SLC28A2: variants seen among roughly 807,000 people sequenced by gnomAD.
The protein encoded by SLC28A2 is solute carrier family 28 member 2.
A neutral mutation model predicts 72.9 loss-of-function variants in SLC28A2; 69 were observed. That is an observed-to-expected ratio of 0.95 (90% CI 0.78 to 1.16). SLC28A2 has a LOEUF of 1.16. Ranked by LOEUF, SLC28A2 falls within the 50% of genes most tolerant of loss-of-function variation. The pLI, the probability that SLC28A2 is intolerant of heterozygous loss-of-function variation, is 0.00. For synonymous variants in SLC28A2, 296 were observed against 294.1 expected, an observed-to-expected ratio of 1.01 and a Z score of -0.07; for missense variants, 745 against 791.1, an observed-to-expected ratio of 0.94 and a Z score of 0.70.
Position 45,253,534 on chromosome 15 carries a change from G to A in SLC28A2, c.170+14G>A. 6.3e-7 allele frequency: 1 copy of A among 1,589,892 alleles called. No homozygotes were observed. The highest frequency in any genetic ancestry group is 8.6e-7 in the Non-Finnish European group (1 of 1,159,478). On this transcript the variant is annotated intron_variant, in intron 3 of 17. Coordinates refer to ENST00000347644, the MANE Select transcript of SLC28A2 (RefSeq NM_004212.4). ...CACTTACCAGAGGTACTGGTGTTTT[G>A]GAATCTTGTTCAGTTAGGAAAGGAT...
chr15:45,267,539 A>G lies in SLC28A2; in HGVS notation c.1027A>G (p.Thr343Ala). ...TGCGGTGATGACTGGAGGGTTTGCC[A>G]CCATTTCTGGCACTGTGCTGGGAGC... ...IHAVMTGGFATISGTVLGAFI... is the reference protein window; with the variant it reads ...IHAVMTGGFAAISGTVLGAFI... The change falls in exon 11 of 18, where the codon ACC (threonine) becomes GCC (alanine). Residue 343 changes from threonine (T) to alanine (A), a missense_variant. By Grantham distance (58) the Thr-to-Ala change is moderately conservative. Coordinates refer to ENST00000347644, the MANE Select transcript of SLC28A2 (RefSeq NM_004212.4). 1 of 1,614,104 alleles carries G rather than the reference A, an allele frequency of 6.2e-7. No homozygotes were observed. Among genetic ancestry groups the G allele is most frequent in the Non-Finnish European group, 8.5e-7 (1 of 1,180,004 alleles).
intron 17 of SLC28A2, among the ~76,000 whole-genome samples, chr15:45,273,319 T>A (rs1900648592): frequency 6.6e-6 from 1 of 152,126 alleles, no homozygotes; most frequent in Non-Finnish European, 1.5e-5. Context: ...ATTTATAAAA[T>A]CATGATGAGT....
At chr15:45,257,127 T>C (rs1900001908) in intron 3 of SLC28A2, among the ~76,000 whole-genome samples, 1 of 152,236 alleles carries the variant, frequency 6.6e-6, no homozygotes, top group Non-Finnish European at 1.5e-5. Context: ...ATTACATCAT[T>C]GCTTATGAGT....
chr15:45,264,506 C>T (rs1020341843), intron 6 of SLC28A2, 149 bp from the exon 7 acceptor site: 1 of 611,578 alleles, frequency 1.6e-6, no homozygotes, highest in Middle Eastern at 4.4e-4. Context: ...CCTGTTTCTC[C>T]CTACCATTGC....
intron 10 of SLC28A2, 117 bp downstream of exon 10, chr15:45,266,278 A>G: frequency 1.3e-6 from 1 of 743,368 alleles, no homozygotes; most frequent in Non-Finnish European, 2.4e-6. Context: ...GGGGCAGCCA[A>G]TCTTGGATGA....
At chr15:45,272,635 C>A in intron 16 of SLC28A2, 38 bp from the exon 17 acceptor site, 1 of 1,174,878 alleles carries the variant, frequency 8.5e-7, no homozygotes, top group South Asian at 1.2e-5. Flanking sequence ...AAGCACGTGT[C>A]AGATCTTCCC....
chr15:45,253,681 A>AT lies in SLC28A2; in HGVS notation c.170+162dup, dbSNP rs1207958464. The stretch of plus-strand genomic sequence containing the variant: ...AACTTAAACATGTGCCATAAACTCC[A>AT]TAAAAAAAAAGGAGTTCAGCAGTAT... On this transcript the variant is annotated intron_variant, in intron 3 of 17. Transcript: ENST00000347644. 5.0e-5 allele frequency: 27 copies of AT among 537,200 alleles called. No homozygotes were observed. In the Admixed American group the frequency reaches 5.8e-4, roughly 12 times the overall value. The allele number at this position is 537,200 out of a possible 1,614,324, so 33.3% of individuals were successfully genotyped here.
In SLC28A2 at chr15:45,272,760, T is replaced by C. The variant is rs373539209; in HGVS notation, c.1835T>C (p.Met612Thr). 299 of 1,608,914 alleles carry C rather than the reference T, an allele frequency of 1.9e-4. No homozygotes were observed. In the South Asian group the frequency reaches 3.1e-3, roughly 17 times the overall value. Residue 612 changes from methionine to threonine, a missense_variant, in exon 17 of 18, where the codon ATG becomes ACG. Transcript: ENST00000347644. ...SFTNRTYETY[M>T]CCRGLFQSTS... Reference sequence around the variant, plus strand: ...ACCAATAGAACCTATGAGACCTACATGTGCTGCAGAGGGCTCTTTCAGAGG... The same window carrying C: ...ACCAATAGAACCTATGAGACCTACACGTGCTGCAGAGGGCTCTTTCAGAGG...
At position 45,263,069 on chromosome 15, in the gene SLC28A2, G is replaced by C. The variant is rs1567058417; in HGVS notation, c.271G>C (p.Ala91Pro). ...GCTTCTTCTCTTTTTAGCCTATGCT[G>C]CCTATCTCCTGGCAGCTTGCATCTT... ...LLGLLCLAYA[A>P]YLLAACILNF... Residue 91 changes from alanine (A) to proline (P), a missense_variant, in exon 5 of 18, where the codon GCC (alanine) becomes CCC (proline). Coordinates refer to ENST00000347644, the MANE Select transcript of SLC28A2 (RefSeq NM_004212.4). The C allele has an allele frequency of 6.2e-7, 1 of 1,613,036 alleles. No individual in the cohort carries two copies.
rs1438893818 is a variant in SLC28A2 at position 45,264,685 on chromosome 15, G to T, written c.619G>T (p.Gly207Cys). ...VSWRTVFSGL[G>C]LQFVFGILVI... Reference sequence around the variant, plus strand: ...CTGGAGGACAGTGTTTTCGGGCCTAGGTCTTCAATTTGTCTTTGGGATCTT... The same window carrying T: ...CTGGAGGACAGTGTTTTCGGGCCTATGTCTTCAATTTGTCTTTGGGATCTT... Residue 207 changes from glycine (G) to cysteine (C), a missense_variant, in exon 7 of 18, where the codon GGT becomes TGT. Physicochemically the swap from Gly to Cys is radical, Grantham distance 159. Coordinates refer to ENST00000347644, the MANE Select transcript of SLC28A2 (RefSeq NM_004212.4). 1 of 1,613,572 alleles carries T rather than the reference G, an allele frequency of 6.2e-7. No homozygotes were observed. Among genetic ancestry groups the T allele is most frequent in the South Asian group, 1.1e-5 (1 of 91,062 alleles).
Position 45,276,035 on chromosome 15 carries a change from A to G in SLC28A2, c.*522A>G, listed in dbSNP as rs1403670730. On this transcript the variant is annotated 3_prime_UTR_variant, in exon 18 of 18. Coordinates refer to ENST00000347644, the MANE Select transcript of SLC28A2 (RefSeq NM_004212.4). ...TTATTTGGCTGAACCAAAAAATGGC[A>G]TTCCTCATGGGCCCTGCCTGAACTT... 1 of 152,498 alleles carries G rather than the reference A, an allele frequency of 6.6e-6. No individual in the cohort carries two copies. Among genetic ancestry groups the G allele is most frequent in the Non-Finnish European group, 1.5e-5 (1 of 68,332 alleles). 9.4% of individuals were successfully genotyped at this position (152,498 alleles called of 1,614,324 possible).
intron 17 of SLC28A2, among the ~76,000 whole-genome samples, chr15:45,273,055 C>T (rs7162022): frequency 0.48 from 72,262 of 152,038 alleles, 20,931 homozygotes; most frequent in Non-Finnish European, 0.67. Flanking sequence ...TGGCTGGGCA[C>T]GGTGGCTCAC....
chr15:45,272,720 C>T lies in SLC28A2; in HGVS notation c.1795C>T (p.Pro599Ser). 6.2e-7 allele frequency: 1 copy of T among 1,613,254 alleles called. No individual in the cohort carries two copies. The highest frequency in any genetic ancestry group is 8.5e-7 in the Non-Finnish European group (1 of 1,179,242). Residue 599 changes from proline to serine, a missense_variant, in exon 17 of 18, where the codon CCA becomes TCA. By Grantham distance (74) the Pro-to-Ser change is moderately conservative. Coordinates refer to ENST00000347644, the MANE Select transcript of SLC28A2 (RefSeq NM_004212.4). Reference protein sequence around the residue: ...RGAEADCVSFPNTSFTNRTYE... With the variant: ...RGAEADCVSFSNTSFTNRTYE... ...AGCTGAAGCTGACTGTGTCTCCTTC[C>T]CAAACACAAGTTTCACCAATAGAAC...
chr15:45,267,643 T>C (rs760932759), intron 11 of SLC28A2, 23 bp from the exon 12 acceptor site: 9 of 1,613,972 alleles, frequency 5.6e-6, no homozygotes, highest in African/African-American at 1.3e-5. Flanking sequence ...GAAACACTGA[T>C]GCCTAAGTCT....
In SLC28A2 at chr15:45,268,366, G is replaced by A; in HGVS notation, c.1356G>A (p.Gly452=). 6.3e-7 allele frequency: 1 copy of A among 1,590,622 alleles called. No homozygotes were observed. The highest frequency in any genetic ancestry group is 8.6e-7 in the Non-Finnish European group (1 of 1,161,490). Residue 452 remains glycine, a synonymous_variant, in exon 13 of 18, where the codon GGG becomes GGA. Transcript: ENST00000347644. ...TGGGGGAATTGGTGGACATACAGGGGCTCACTTTCCAGGTAAAGGATTACA... is the reference window on the plus strand; with the variant it reads ...TGGGGGAATTGGTGGACATACAGGGACTCACTTTCCAGGTAAAGGATTACA... ...SWLGELVDIQ[G]LTFQVICSYL...
intron 17 of SLC28A2, 139 bp downstream of exon 17, chr15:45,272,923 T>G (rs1305679217): frequency 6.9e-6 from 4 of 582,214 alleles, no homozygotes; most frequent in African/African-American, 5.7e-5. Flanking sequence ...TCTTATTGGG[T>G]GCATCTTCAT....
intron 3 of SLC28A2, among the ~76,000 whole-genome samples, chr15:45,257,964 C>T (rs188821933): frequency 1.2e-4 from 19 of 152,310 alleles, no homozygotes; most frequent in Admixed American, 8.5e-4. Context: ...TGGCTCATGC[C>T]TGTAATCCCA....
At position 45,267,536 on chromosome 15, in the gene SLC28A2, G is replaced by GC; in HGVS notation, c.1026dup (p.Thr343HisfsTer16). 1 of 1,614,162 alleles carries GC rather than the reference G, an allele frequency of 6.2e-7. No individual in the cohort carries two copies. The highest frequency in any genetic ancestry group is 8.5e-7 in the Non-Finnish European group (1 of 1,180,000). On this transcript the variant is annotated frameshift_variant, in exon 11 of 18. Transcript: ENST00000347644. LOFTEE classifies it high-confidence loss of function. The stretch of plus-strand genomic sequence containing the variant: ...CCATGCGGTGATGACTGGAGGGTTT[G>GC]CCACCATTTCTGGCACTGTGCTGGG...
At chr15:45,258,581 T>A (rs971240872) in intron 3 of SLC28A2, among the ~76,000 whole-genome samples, 5 of 152,344 alleles carry the variant, frequency 3.3e-5, no homozygotes, top group Non-Finnish European at 4.4e-5. Flanking sequence ...AAGTCTAATT[T>A]ATACTTTAAA....
Sources: gnomAD v4.1 joint callset for allele counts (sites outside exome capture counted in the v4.1 genomes callset) on GRCh38, gnomAD v4.1.1 for gene constraint, MANE v1.5 for transcripts, NCBI Gene and HGNC (gene_info 2026-07-23, HGNC 2026-07-21) for gene names.